Variants in ASTN2 observed in about 807,000 individuals in gnomAD.
ASTN2 encodes astrotactin 2.
Under a neutral mutation model 139.8 loss-of-function variants are expected in ASTN2, and 54 were observed. That is an observed-to-expected ratio of 0.39 (90% CI 0.31 to 0.48). The LOEUF is 0.48. Among genes scored for constraint, ASTN2 ranks in the 20% least tolerant of loss-of-function variants. The pLI, the probability that ASTN2 is intolerant of heterozygous loss-of-function variation, is 0.95. For synonymous variants in ASTN2, 756 were observed against 719.5 expected (o/e 1.05, Z -0.81); for missense variants, 1,565 against 1,725.1 (o/e 0.91, Z 1.64).
At chr9:116,571,637 G>A (rs58077965) in intron 19 of ASTN2, among the ~76,000 whole-genome samples, 24,565 of 152,154 alleles carry the variant, frequency 0.16, 2,172 homozygotes, top group African/African-American at 0.22. Flanking sequence ...ATGCCTGTGG[G>A]AAGGTGGCTA....
At chr9:117,004,510 G>A (rs1224278971) in intron 7 of ASTN2, among the ~76,000 whole-genome samples, 1 of 152,102 alleles carries the variant, frequency 6.6e-6, no homozygotes, top group Non-Finnish European at 1.5e-5. Flanking sequence ...GCCAAATCAT[G>A]GCCCTACCTG....
intron 16 of ASTN2, among the ~76,000 whole-genome samples, chr9:116,709,112 C>T (rs530221941): frequency 4.6e-5 from 7 of 152,316 alleles, no homozygotes; most frequent in Non-Finnish European, 8.8e-5. Flanking sequence ...CTCTCCATAC[C>T]AGCTGCCCAT....
At chr9:117,148,144 A>G (rs1830244995) in intron 3 of ASTN2, among the ~76,000 whole-genome samples, 3 of 152,158 alleles carry the variant, frequency 2.0e-5, no homozygotes, top group South Asian at 2.1e-4. Flanking sequence ...CCAAGAAGCA[A>G]ATGGACATTG....
intron 10 of ASTN2, among the ~76,000 whole-genome samples, chr9:116,915,127 TG>T (rs1425765364): frequency 6.6e-6 from 1 of 152,186 alleles, no homozygotes; most frequent in African/African-American, 2.4e-5. Context: ...TCTCTTGCCC[TG>T]GGGAGCAGTC....
intron 2 of ASTN2, among the ~76,000 whole-genome samples, chr9:117,289,243 G>A (rs1020007296): frequency 6.6e-6 from 1 of 152,152 alleles, no homozygotes; most frequent in Admixed American, 6.5e-5. Context: ...TGGACCACAC[G>A]GTGGTAGCCT....
intron 3 of ASTN2, among the ~76,000 whole-genome samples, chr9:117,186,672 G>A (rs1489174844): frequency 6.6e-6 from 1 of 152,140 alleles, no homozygotes; most frequent in Non-Finnish European, 1.5e-5. Context: ...GTCTTCCATT[G>A]ATTCATTTAC....
intron 10 of ASTN2, among the ~76,000 whole-genome samples, chr9:116,870,632 A>G (rs1833137615): frequency 6.6e-6 from 1 of 152,198 alleles, no homozygotes; most frequent in Admixed American, 6.5e-5. Context: ...AGAGATAGCC[A>G]GACCCCACCA....
intron 12 of ASTN2, among the ~76,000 whole-genome samples, chr9:116,814,038 GAAA>G (rs1331893512): frequency 1.1e-5 from 1 of 88,014 alleles, no homozygotes; most frequent in Non-Finnish European, 2.6e-5. Flanking sequence ...TCTGTCTCAA[GAAA>G]AAAAAAAAAA....
chr9:117,367,726 A>C (rs1296613502), intron 1 of ASTN2, among the ~76,000 whole-genome samples: 1 of 152,154 alleles, frequency 6.6e-6, no homozygotes, highest in Non-Finnish European at 1.5e-5. Context: ...TGACTTAATC[A>C]GGTTTGCAGA....
intron 10 of ASTN2, among the ~76,000 whole-genome samples, chr9:116,948,785 G>GTTTTTTTTTTTGTTTTTTTTGTTTTT (rs1835471236): frequency 2.0e-5 from 1 of 49,472 alleles, no homozygotes; most frequent in African/African-American, 8.6e-5. Flanking sequence ...ATAATTTGGT[G>GTTTTTTTTTTTGTTTTTTTTGTTTTT]TTTTTTTTTT....
intron 3 of ASTN2, among the ~76,000 whole-genome samples, chr9:117,181,913 C>T (rs183304740): frequency 1.4e-3 from 206 of 152,220 alleles, no homozygotes; most frequent in African/African-American, 4.0e-3. Flanking sequence ...GTTTGGGATT[C>T]GCAAAAGCTG....
chr9:116,971,833 C>T (rs1454979611), intron 10 of ASTN2, among the ~76,000 whole-genome samples: 1 of 152,198 alleles, frequency 6.6e-6, no homozygotes, highest in Non-Finnish European at 1.5e-5. Context: ...TTCATCACTC[C>T]ATATATGATA....
At chr9:117,159,938 T>C (rs553946034) in intron 3 of ASTN2, among the ~76,000 whole-genome samples, 29 of 152,022 alleles carry the variant, frequency 1.9e-4, no homozygotes, top group Admixed American at 3.3e-4. Flanking sequence ...AAGCTGCAGA[T>C]TGAGTTCAGG....
intron 11 of ASTN2, among the ~76,000 whole-genome samples, chr9:116,854,168 T>C (rs1388023182): frequency 1.3e-5 from 2 of 152,174 alleles, no homozygotes; most frequent in Non-Finnish European, 2.9e-5. Flanking sequence ...AATAATGAGA[T>C]CCACCTCAGA....
intron 19 of ASTN2, among the ~76,000 whole-genome samples, chr9:116,597,299 A>ATTTTTGTT (rs1554718677): frequency 7.9e-5 from 6 of 75,542 alleles, no homozygotes; most frequent in African/African-American, 2.4e-4. Flanking sequence ...CTTTTGATCT[A>ATTTTTGTT]TTTTTTTTTT....
intron 7 of ASTN2, among the ~76,000 whole-genome samples, chr9:117,003,656 T>C (rs1371188129): frequency 6.6e-6 from 1 of 151,212 alleles, no homozygotes; most frequent in Non-Finnish European, 1.5e-5. Context: ...CTCAAGCCTG[T>C]GTCTAATGGA....
At chr9:116,752,594 C>T (rs1469076407) in intron 13 of ASTN2, among the ~76,000 whole-genome samples, 1 of 152,106 alleles carries the variant, frequency 6.6e-6, no homozygotes. Flanking sequence ...AAAAGACACG[C>T]TATAGACTGG....
At chr9:116,534,527 T>C (rs544225986) in intron 19 of ASTN2, among the ~76,000 whole-genome samples, 1 of 152,348 alleles carries the variant, frequency 6.6e-6, no homozygotes, top group South Asian at 2.1e-4. Flanking sequence ...CACACACTGC[T>C]TTAAATGTGT....
chr9:116,446,255 G>GGAGA (rs373227100), intron 20 of ASTN2, among the ~76,000 whole-genome samples: 25,435 of 109,260 alleles, frequency 0.23, 3,180 homozygotes, highest in Admixed American at 0.36. Context: ...GAGGGGAGAG[G>GGAGA]GAGAGAGAGA....
Sources: allele counts gnomAD v4.1 joint callset (sites outside exome capture counted in the v4.1 genomes callset), GRCh38; gene constraint gnomAD v4.1.1; transcripts MANE v1.5; gene names NCBI Gene and HGNC (gene_info 2026-07-23, HGNC 2026-07-21).